SEC24A: variants seen among roughly 807,000 people sequenced by gnomAD.
The protein encoded by SEC24A is SEC24 homolog A, COPII component, also known as protein transport protein Sec24A.
In SEC24A, 93 loss-of-function variants were observed where a neutral mutation model predicts 129.4. The observed-to-expected ratio is 0.72, with a 90% confidence interval of 0.61 to 0.85. The LOEUF (loss-of-function observed/expected upper bound fraction) is 0.85. Ranked by LOEUF, SEC24A falls within the 40% of genes least tolerant of loss-of-function variation. The pLI, the probability that SEC24A is intolerant of heterozygous loss-of-function variation, is 0.00. For synonymous variants in SEC24A, 460 were observed against 467.3 expected (o/e 0.98, Z 0.20); for missense variants, 1,264 against 1,307.4 (o/e 0.97, Z 0.51).
intron 2 of SEC24A, among the ~76,000 whole-genome samples, chr5:134,664,942 G>C (rs1371332437): frequency 6.6e-6 from 1 of 151,296 alleles, no homozygotes; most frequent in Admixed American, 6.6e-5. Flanking sequence ...GGGATTACAG[G>C]CATGCGCCAC....
chr5:134,672,346 C>T (rs570440388), intron 4 of SEC24A, among the ~76,000 whole-genome samples: 53 of 152,308 alleles, frequency 3.5e-4, no homozygotes, highest in Non-Finnish European at 5.9e-4. Flanking sequence ...CGCCACCACA[C>T]CCTGCTGATT....
rs1242865879 is a variant in SEC24A at position 134,693,912 on chromosome 5, A to C, written c.1965A>C (p.Pro655=). 4 of 1,614,002 alleles carry C rather than the reference A, an allele frequency of 2.5e-6. No individual in the cohort carries two copies. Among genetic ancestry groups the C allele is most frequent in the Non-Finnish European group, 3.4e-6 (4 of 1,180,006 alleles). ...GVGALKPREE[P]NHRSSAKDIH... Reference sequence around the variant, plus strand: ...GAGCCCTGAAACCACGAGAGGAACCAAACCACAGGTCATCTGCTAAGGTTA... The same window carrying C: ...GAGCCCTGAAACCACGAGAGGAACCCAACCACAGGTCATCTGCTAAGGTTA... The change falls in exon 13 of 23, where the codon CCA becomes CCC. Residue 655 remains proline, a synonymous_variant. Transcript: ENST00000398844.
intron 1 of SEC24A, among the ~76,000 whole-genome samples, chr5:134,650,663 C>T (rs1304485808): frequency 6.6e-6 from 1 of 151,720 alleles, no homozygotes; most frequent in African/African-American, 2.4e-5. Flanking sequence ...CTTAACCTTC[C>T]AAAGTGCTGT....
chr5:134,715,146 C>CA lies in SEC24A; in HGVS notation c.2852dup (p.Asn951LysfsTer5). ...CTCATCCCAGTTTGTATAGAGTTGA[C>CA]AATCTCTCAGATGAGGTAAGATGGA... On this transcript the variant is annotated frameshift_variant, in exon 19 of 23. Transcript: ENST00000398844. LOFTEE classifies it high-confidence loss of function. The CA allele has an allele frequency of 6.2e-7, 1 of 1,609,752 alleles. No individual in the cohort carries two copies.
intron 9 of SEC24A, among the ~76,000 whole-genome samples, chr5:134,682,859 G>A (rs766552414): frequency 4.3e-4 from 66 of 152,166 alleles, no homozygotes; most frequent in Non-Finnish European, 8.2e-4. Context: ...GAGCCGCTGT[G>A]CCCAGCCAAA....
chr5:134,696,757 C>T (rs1226798971), intron 13 of SEC24A, among the ~76,000 whole-genome samples: 2 of 151,762 alleles, frequency 1.3e-5, no homozygotes, highest in East Asian at 3.9e-4. Flanking sequence ...CTCGGCCTCC[C>T]AAAGTGCTGG....
At chr5:134,717,978 A>C in intron 19 of SEC24A, 91 bp from the exon 20 acceptor site, 2 of 842,942 alleles carry the variant, frequency 2.4e-6, no homozygotes, top group South Asian at 2.9e-5. Flanking sequence ...AGACTTGTAG[A>C]GGTAACATTC....
chr5:134,725,166 CTTCT>C lies in SEC24A; in HGVS notation c.*75_*78del. ...CAGAATACCTGGAAATGTGTAATAC[CTTCT>C]TTTTCTATTATGTTTGTGGACTAAT... On this transcript the variant is annotated 3_prime_UTR_variant, in exon 23 of 23. Transcript: ENST00000398844. The C allele has an allele frequency of 2.7e-6, 2 of 742,384 alleles. No homozygotes were observed. The highest frequency in any genetic ancestry group is 5.0e-5 in the Admixed American group (2 of 39,828). 46.0% of individuals were successfully genotyped at this position (742,384 alleles called of 1,614,324 possible). A position where few individuals can be genotyped will look rare whatever the true frequency, so the allele number is the denominator to read the frequency against.
At chr5:134,693,286 T>C in intron 12 of SEC24A, 1 of 1,410,606 alleles carries the variant, frequency 7.1e-7, no homozygotes, top group Non-Finnish European at 9.2e-7. Context: ...TAAAGGTAGT[T>C]GTTTTTCTTT....
intron 1 of SEC24A, among the ~76,000 whole-genome samples, chr5:134,650,424 T>C (rs569169417): frequency 6.6e-6 from 1 of 152,264 alleles, no homozygotes; most frequent in South Asian, 2.1e-4. Context: ...TATATATGAG[T>C]GTAGTTGTCA....
chr5:134,688,215 A>T lies in SEC24A; in HGVS notation c.1639A>T (p.Ile547Leu). 1 of 1,613,168 alleles carries T rather than the reference A, an allele frequency of 6.2e-7. No homozygotes were observed. The highest frequency in any genetic ancestry group is 8.5e-7 in the Non-Finnish European group (1 of 1,179,302). Residue 547 changes from isoleucine to leucine, a missense_variant, in exon 11 of 23, where the codon ATA becomes TTA. By Grantham distance (5) the Ile-to-Leu change is conservative (BLOSUM62 2). Transcript: ENST00000398844. ...PGNTRTKIGF[I>L]TFDSTIHFYG... ...CAACACTAGAACAAAAATTGGCTTC[A>T]TAACATTTGACAGTACAATCCATTT...
rs200874353 is a variant in SEC24A at position 134,675,148 on chromosome 5, C to T, written c.1082C>T (p.Pro361Leu). 4.5e-5 allele frequency: 73 copies of T among 1,613,474 alleles called. No individual in the cohort carries two copies. Among genetic ancestry groups the T allele is most frequent in the Admixed American group, 1.2e-4 (7 of 59,958 alleles). Residue 361 changes from proline (P) to leucine (L), a missense_variant, in exon 6 of 23, where the codon CCG (proline) becomes CTG (leucine). Coordinates refer to ENST00000398844, the MANE Select transcript of SEC24A (RefSeq NM_021982.3). ...VNLLQERNML[P>L]STPLKPPVPN... Reference sequence around the variant, plus strand: ...CTTCTTCAAGAAAGAAACATGCTTCCGTCAACACCTTTGAAGCCTCCAGTT... The same window carrying T: ...CTTCTTCAAGAAAGAAACATGCTTCTGTCAACACCTTTGAAGCCTCCAGTT...
intron 2 of SEC24A, among the ~76,000 whole-genome samples, chr5:134,662,881 C>T (rs1750521500): frequency 6.6e-6 from 1 of 151,932 alleles, no homozygotes; most frequent in Non-Finnish European, 1.5e-5. Flanking sequence ...ATGTGTGGTC[C>T]CAGCTACTCG....
chr5:134,674,953 A>G, intron 5 of SEC24A, 92 bp from the exon 6 acceptor site: 1 of 1,211,666 alleles, frequency 8.3e-7, no homozygotes, highest in Non-Finnish European at 1.1e-6. Flanking sequence ...TGGCCAAGAG[A>G]TCTAGATTAC....
At chr5:134,704,923 C>T (rs936248508) in intron 16 of SEC24A, among the ~76,000 whole-genome samples, 2 of 151,248 alleles carry the variant, frequency 1.3e-5, no homozygotes, top group Non-Finnish European at 2.9e-5. Flanking sequence ...GTAATCCTCC[C>T]ACCTTAGCCT....
In SEC24A at chr5:134,705,357, G is replaced by A. The variant is rs1481534384; in HGVS notation, c.2471G>A (p.Cys824Tyr). The A allele has an allele frequency of 1.2e-6, 2 of 1,613,508 alleles. No homozygotes were observed. Among genetic ancestry groups the A allele is most frequent in the Admixed American group, 3.3e-5 (2 of 59,880 alleles). ...AGAAGAATTCGTGTTCATACTTTGT[G>A]TTTGCCAGTAGTTTCGACTCTGAAT... is the stretch of plus-strand genomic sequence containing the variant. ...GERRIRVHTLCLPVVSTLNDV... is the reference protein window; with the variant it reads ...GERRIRVHTLYLPVVSTLNDV... The change falls in exon 17 of 23, where the codon TGT (cysteine) becomes TAT (tyrosine). Residue 824 changes from cysteine (C) to tyrosine (Y), a missense_variant. By Grantham distance (194) the Cys-to-Tyr change is radical. Transcript: ENST00000398844.
chr5:134,665,961 T>C (rs1219670410), intron 2 of SEC24A, among the ~76,000 whole-genome samples: 3 of 152,184 alleles, frequency 2.0e-5, no homozygotes, highest in Admixed American at 6.6e-5. Context: ...ACATGGCCTA[T>C]TGAATCTAAT....
chr5:134,708,102 C>T (rs1035608903), intron 17 of SEC24A, among the ~76,000 whole-genome samples: 1 of 152,104 alleles, frequency 6.6e-6, no homozygotes, highest in Non-Finnish European at 1.5e-5. Flanking sequence ...GCACTCCAGC[C>T]TGGGCGACAG....
At chr5:134,674,301 A>C (rs554422298) in intron 4 of SEC24A, among the ~76,000 whole-genome samples, 2 of 152,302 alleles carry the variant, frequency 1.3e-5, no homozygotes, top group African/African-American at 4.8e-5. Context: ...GATTTAAAGC[A>C]TTCTGGGCCA....
Sources: gnomAD v4.1 joint callset for allele counts (sites outside exome capture counted in the v4.1 genomes callset) on GRCh38, gnomAD v4.1.1 for gene constraint, MANE v1.5 for transcripts, NCBI Gene and HGNC (gene_info 2026-07-23, HGNC 2026-07-21) for gene names.